The following BANK1 variants were observed in gnomAD, a reference collection of about 807,000 sequenced individuals.
BANK1 encodes B cell scaffold protein with ankyrin repeats 1.
Under a neutral mutation model 94.5 loss-of-function variants are expected in BANK1, and 95 were observed. That is an observed-to-expected ratio of 1.00 (90% CI 0.85 to 1.19). The LOEUF (loss-of-function observed/expected upper bound fraction) is 1.19, where lower values mean the gene tolerates loss of function less well. BANK1 is among the 50% of genes most tolerant of loss of function. The pLI, the probability that BANK1 is intolerant of heterozygous loss-of-function variation, is 0.00. For missense variants in BANK1, 987 were observed against 932.2 expected (o/e 1.06, Z -0.77); for synonymous variants, 334 against 308.4 (o/e 1.08, Z -0.87).
chr4:102,066,792 A>G (rs1384937515), intron 13 of BANK1, among the ~76,000 whole-genome samples: 1 of 152,230 alleles, frequency 6.6e-6, no homozygotes, highest in Non-Finnish European at 1.5e-5. Context: ...AAGCAGGTAG[A>G]TATAAAATAT....
intron 6 of BANK1, among the ~76,000 whole-genome samples, chr4:101,911,130 T>C (rs1353992847): frequency 6.6e-6 from 1 of 152,182 alleles, no homozygotes; most frequent in Non-Finnish European, 1.5e-5. Flanking sequence ...GCCCAGATGG[T>C]AAGTGGCAGA....
At chr4:102,004,020 T>C (rs1330843270) in intron 7 of BANK1, among the ~76,000 whole-genome samples, 2 of 151,934 alleles carry the variant, frequency 1.3e-5, no homozygotes. Context: ...ATTTGAGCTA[T>C]GTAAAATGAC....
chr4:101,963,198 C>A (rs908306668), intron 7 of BANK1, among the ~76,000 whole-genome samples: 1 of 152,042 alleles, frequency 6.6e-6, no homozygotes, highest in Non-Finnish European at 1.5e-5. Flanking sequence ...TCCTATTAGT[C>A]TTTCTTTCCA....
chr4:101,790,803 G>A lies in BANK1; in HGVS notation c.-78G>A, dbSNP rs528558507. On this transcript the variant is annotated 5_prime_UTR_variant, in exon 1 of 17. Coordinates refer to ENST00000322953, the MANE Select transcript of BANK1 (RefSeq NM_017935.5). ...GAGGGCCAAAGGAAGAGAAAATCGCGGGGAGTCTCTGGCCGGGAGAGTCCA... is the reference window on the plus strand; with the variant it reads ...GAGGGCCAAAGGAAGAGAAAATCGCAGGGAGTCTCTGGCCGGGAGAGTCCA... 24 of 1,412,002 alleles carry A rather than the reference G, an allele frequency of 1.7e-5. No homozygotes were observed. The East Asian group carries it at 2.2e-4, about 13-fold the overall frequency. The allele number at this position is 1,412,002 out of a possible 1,614,324, so 87.5% of individuals were successfully genotyped here. A position where few individuals can be genotyped will look rare whatever the true frequency, so the allele number is the denominator to read the frequency against.
intron 4 of BANK1, among the ~76,000 whole-genome samples, chr4:101,863,765 C>T (rs1485230491): frequency 2.0e-5 from 3 of 151,932 alleles, no homozygotes; most frequent in African/African-American, 4.8e-5. Context: ...GTCTCAATGC[C>T]CCCTACTTCA....
chr4:101,844,078 C>T (rs1376064110), intron 2 of BANK1, among the ~76,000 whole-genome samples: 1 of 152,070 alleles, frequency 6.6e-6, no homozygotes, highest in East Asian at 1.9e-4. Flanking sequence ...TACTATGTGG[C>T]AGGCCTTTAA....
At chr4:102,007,063 T>TTTATATATATATA (rs1726287657) in intron 7 of BANK1, among the ~76,000 whole-genome samples, 2 of 110,962 alleles carry the variant, frequency 1.8e-5, no homozygotes, top group Admixed American at 9.6e-5. Flanking sequence ...ATAAAATATA[T>TTTATATATATATA]AATTTTATAT....
At chr4:102,020,221 CA>C (rs1420242567) in intron 7 of BANK1, among the ~76,000 whole-genome samples, 1 of 151,870 alleles carries the variant, frequency 6.6e-6, no homozygotes, top group Non-Finnish European at 1.5e-5. Flanking sequence ...TATGGGTTTT[CA>C]AAATATATTT....
At chr4:102,031,672 TC>T (rs1351322163) in intron 10 of BANK1, among the ~76,000 whole-genome samples, 4 of 152,164 alleles carry the variant, frequency 2.6e-5, no homozygotes, top group African/African-American at 9.7e-5. Context: ...CCTTGATACT[TC>T]CTTCCTAATT....
intron 7 of BANK1, among the ~76,000 whole-genome samples, chr4:102,003,503 A>C (rs1194694845): frequency 3.3e-5 from 5 of 152,170 alleles, no homozygotes; most frequent in Middle Eastern, 3.2e-3. Context: ...GTGAGGCTGT[A>C]CCTTTTCCTG....
At position 101,855,235 on chromosome 4, in the gene BANK1, G is replaced by A. The variant is rs200552416; in HGVS notation, c.624+46G>A. The A allele has an allele frequency of 8.2e-3, 12,482 of 1,514,616 alleles. 69 individuals are homozygous for A. The highest frequency in any genetic ancestry group is 9.9e-3 in the Non-Finnish European group (11,079 of 1,114,330). 93.8% of individuals were successfully genotyped at this position (1,514,616 alleles called of 1,614,324 possible). ...ATTTAAGTGACCCCATTGTGTTATG[G>A]TGGTGGTGGTGGTTGTTGTTGTTTG... is the stretch of plus-strand genomic sequence containing the variant. On this transcript the variant is annotated intron_variant, in intron 3 of 16. Transcript: ENST00000322953.
intron 7 of BANK1, among the ~76,000 whole-genome samples, chr4:101,956,661 A>G (rs976407151): frequency 6.6e-6 from 1 of 152,190 alleles, no homozygotes; most frequent in African/African-American, 2.4e-5. Flanking sequence ...GAGGAAACCA[A>G]GAACATTTCA....
At chr4:101,965,850 G>C (rs770690329) in intron 7 of BANK1, among the ~76,000 whole-genome samples, 2 of 151,992 alleles carry the variant, frequency 1.3e-5, no homozygotes, top group Non-Finnish European at 2.9e-5. Flanking sequence ...ATTTTCATTT[G>C]ATAATAGTGT....
At chr4:101,941,413 G>A (rs954994634) in intron 7 of BANK1, among the ~76,000 whole-genome samples, 2 of 151,770 alleles carry the variant, frequency 1.3e-5, no homozygotes, top group Non-Finnish European at 2.9e-5. Context: ...CCTGTCAGCT[G>A]ACAAGACAAA....
chr4:102,062,834 C>A, intron 12 of BANK1: 1 of 423,504 alleles, frequency 2.4e-6, no homozygotes, highest in East Asian at 4.0e-5. Context: ...GTTACTGTAC[C>A]TCTCTGTACC....
chr4:102,042,895 C>T (rs963931789), intron 10 of BANK1, among the ~76,000 whole-genome samples: 3 of 152,064 alleles, frequency 2.0e-5, no homozygotes, highest in East Asian at 3.9e-4. Flanking sequence ...TAAGGAACCA[C>T]GCAATAGATT....
chr4:101,976,607 A>G (rs1281149402), intron 7 of BANK1, among the ~76,000 whole-genome samples: 1 of 152,178 alleles, frequency 6.6e-6, no homozygotes, highest in Non-Finnish European at 1.5e-5. Context: ...CTCCCTTCAC[A>G]TGCCAGATAA....
rs533747296 is a variant in BANK1 at position 102,010,549 on chromosome 4, C to T, written c.1207-10965C>T. Among the ~76,000 whole-genome samples the T allele has an allele frequency of 1.1e-4, 17 of 151,886 alleles. No homozygotes were observed. In the South Asian group the frequency reaches 3.1e-3, roughly 28 times the overall value. The stretch of plus-strand genomic sequence containing the variant: ...CTGAGATTACAAGCAGCCACCACCA[C>T]GCCCGGCTAATTTTTGTGTTTTTAG... On this transcript the variant is annotated intron_variant, in intron 7 of 16. Coordinates refer to ENST00000322953, the MANE Select transcript of BANK1 (RefSeq NM_017935.5).
chr4:101,997,207 G>T (rs568615506), intron 7 of BANK1, among the ~76,000 whole-genome samples: 2 of 152,204 alleles, frequency 1.3e-5, no homozygotes, highest in Admixed American at 1.3e-4. Flanking sequence ...CTTGTCATTG[G>T]TTCTGTTTAT....
Sources: allele counts gnomAD v4.1 joint callset (sites outside exome capture counted in the v4.1 genomes callset), GRCh38; gene constraint gnomAD v4.1.1; transcripts MANE v1.5; gene names NCBI Gene and HGNC (gene_info 2026-07-23, HGNC 2026-07-21).